The following MAPK10 variants were observed in gnomAD, a reference collection of about 807,000 sequenced individuals.
The protein encoded by MAPK10 is JNK3 alpha protein kinase.
Under a neutral mutation model 59.3 loss-of-function variants are expected in MAPK10, and 25 were observed. The ratio of observed to expected loss-of-function variants is 0.42; its 90% CI spans 0.31 to 0.59. The LOEUF is 0.59. Among genes scored for constraint, MAPK10 ranks in the 20% least tolerant of loss-of-function variants. The probability of loss-of-function intolerance (pLI) is 0.15; values close to 1 mark genes in which losing one functional copy is unlikely to be tolerated. For missense variants in MAPK10, 351 were observed against 568.9 expected, an observed-to-expected ratio of 0.62 and a Z score of 3.90; for synonymous variants, 190 against 200.5, an observed-to-expected ratio of 0.95 and a Z score of 0.44.
intron 2 of MAPK10, among the ~76,000 whole-genome samples, chr4:86,267,059 C>T (rs2094271131): frequency 6.6e-6 from 1 of 152,086 alleles, no homozygotes; most frequent in African/African-American, 2.4e-5. Flanking sequence ...AGCTTCTATG[C>T]TGACTGATTA....
At chr4:86,570,576 T>C (rs1160578698) in intron 1 of MAPK10, among the ~76,000 whole-genome samples, 1 of 152,172 alleles carries the variant, frequency 6.6e-6, no homozygotes, top group Non-Finnish European at 1.5e-5. Flanking sequence ...AGTTCTAAAA[T>C]ATTTACTTGC....
chr4:86,492,388 G>A (rs1475548612), intron 1 of MAPK10, among the ~76,000 whole-genome samples: 1 of 152,294 alleles, frequency 6.6e-6, no homozygotes, highest in African/African-American at 2.4e-5. Context: ...CATCCTGTAT[G>A]AATAGAATAC....
At chr4:86,557,842 C>T (rs4283624) in intron 1 of MAPK10, among the ~76,000 whole-genome samples, 1,870 of 152,178 alleles carry the variant, frequency 0.012, 33 homozygotes, top group African/African-American at 0.043. Context: ...TTTTTATATA[C>T]ACTCCTTCTG....
In MAPK10 at chr4:86,101,877, A is replaced by G. The variant is rs769546355; in HGVS notation, c.564+17T>C. On this transcript the variant is annotated intron_variant, in intron 7 of 13. Transcript: ENST00000641462. ...CTTAAAGCATTTGAATTGTAATCCT[A>G]GAGAAGGTGTTCTTACCCTGTGAAT... 6 of 1,613,182 alleles carry G rather than the reference A, an allele frequency of 3.7e-6. No individual in the cohort carries two copies. The Admixed American group carries it at 1.0e-4, about 27-fold the overall frequency.
chr4:86,281,627 A>G (rs1427178380), intron 2 of MAPK10, among the ~76,000 whole-genome samples: 1 of 152,208 alleles, frequency 6.6e-6, no homozygotes, highest in African/African-American at 2.4e-5. Context: ...ACAGGAATGA[A>G]GCTTGTTGAG....
At chr4:86,582,571 T>C (rs926920218) in intron 1 of MAPK10, among the ~76,000 whole-genome samples, 3 of 152,214 alleles carry the variant, frequency 2.0e-5, no homozygotes, top group African/African-American at 7.2e-5. Context: ...TTCCATTTAC[T>C]TGGCTTAATC....
intron 2 of MAPK10, chr4:86,300,891 T>G (rs1246490145): frequency 9.9e-6 from 1 of 101,440 alleles, no homozygotes; most frequent in Non-Finnish European, 2.2e-5. Context: ...TGTTAAAGTA[T>G]TAAAAAAAAA....
intron 2 of MAPK10, among the ~76,000 whole-genome samples, chr4:86,242,037 T>G (rs77092335): frequency 0.071 from 10,725 of 151,970 alleles, 451 homozygotes; most frequent in Middle Eastern, 0.12. Flanking sequence ...TTTGTTGTTG[T>G]TGGTGGTGGT....
chr4:86,027,098 C>T (rs1750704397), intron 13 of MAPK10: 1 of 152,124 alleles, frequency 6.6e-6, no homozygotes. Flanking sequence ...ATAAATATGT[C>T]ATACAGAAAT....
intron 1 of MAPK10, among the ~76,000 whole-genome samples, chr4:86,506,525 A>T (rs186227648): frequency 1.2e-3 from 182 of 152,278 alleles, no homozygotes; most frequent in Admixed American, 4.0e-3. Context: ...GCTGACTAAA[A>T]GATAGCACTT....
At chr4:86,251,051 T>C (rs1462343225) in intron 2 of MAPK10, among the ~76,000 whole-genome samples, 1 of 74,478 alleles carries the variant, frequency 1.3e-5, no homozygotes, top group African/African-American at 1.8e-4. Context: ...CAAAAGATAT[T>C]TGTTCCCACA....
chr4:86,284,834 G>A lies in MAPK10; in HGVS notation c.-7+69696C>T, dbSNP rs542676573. On this transcript the variant is annotated intron_variant, in intron 2 of 13. Coordinates refer to ENST00000641462, the MANE Select transcript of MAPK10 (RefSeq NM_138982.4). ...TGCCTAAACATGCAGTACATATGCA[G>A]TAGGAGGATTATGAATCCCTTGTGA... 7.9e-5 allele frequency among the ~76,000 whole-genome samples: 12 copies of A among 152,312 alleles called. No homozygotes were observed. In the East Asian group the frequency reaches 1.9e-3, roughly 24 times the overall value.
intron 2 of MAPK10, among the ~76,000 whole-genome samples, chr4:86,236,015 C>T (rs2092186903): frequency 6.6e-6 from 1 of 152,094 alleles, no homozygotes; most frequent in Non-Finnish European, 1.5e-5. Context: ...GTTTGCTTGC[C>T]TTTTTCAGAA....
chr4:86,504,977 C>G (rs1755621342), intron 1 of MAPK10, among the ~76,000 whole-genome samples: 1 of 152,140 alleles, frequency 6.6e-6, no homozygotes, highest in Non-Finnish European at 1.5e-5. Context: ...CAGCAAAGCC[C>G]ATCCACTCTG....
At chr4:86,229,257 G>A (rs566830333) in intron 2 of MAPK10, among the ~76,000 whole-genome samples, 1 of 151,942 alleles carries the variant, frequency 6.6e-6, no homozygotes, top group South Asian at 2.1e-4. Flanking sequence ...ATATTTTACT[G>A]CCCACACCCC....
At chr4:86,491,777 C>T (rs540577930) in intron 1 of MAPK10, among the ~76,000 whole-genome samples, 1 of 152,156 alleles carries the variant, frequency 6.6e-6, no homozygotes, top group African/African-American at 2.4e-5. Context: ...TTATTTTATT[C>T]TATAGTTTTT....
At chr4:86,281,204 A>G (rs1448181797) in intron 2 of MAPK10, among the ~76,000 whole-genome samples, 1 of 152,152 alleles carries the variant, frequency 6.6e-6, no homozygotes, top group Non-Finnish European at 1.5e-5. Context: ...CCCATAACCC[A>G]GTTTCTAAAG....
intron 11 of MAPK10, among the ~76,000 whole-genome samples, chr4:86,055,751 T>C (rs897678630): frequency 2.7e-5 from 4 of 149,868 alleles, no homozygotes; most frequent in African/African-American, 1.0e-4. Flanking sequence ...TCCTTCTTAA[T>C]AAAAATTTTC....
intron 1 of MAPK10, among the ~76,000 whole-genome samples, chr4:86,511,107 T>C (rs1467596803): frequency 2.0e-5 from 3 of 152,258 alleles, no homozygotes; most frequent in Non-Finnish European, 4.4e-5. Flanking sequence ...GATTTGATCA[T>C]TACACATTGT....
Sources: gnomAD v4.1 joint callset for allele counts (sites outside exome capture counted in the v4.1 genomes callset) on GRCh38, gnomAD v4.1.1 for gene constraint, MANE v1.5 for transcripts, NCBI Gene and HGNC (gene_info 2026-07-23, HGNC 2026-07-21) for gene names.